Variants in FOXJ3 observed in about 807,000 individuals in gnomAD.
FOXJ3 encodes the protein forkhead box protein J3.
FOXJ3 carries 22 observed loss-of-function variants against 76.1 expected under a neutral mutation model. The observed-to-expected ratio is 0.29, with a 90% CI of 0.21 to 0.41. The LOEUF is 0.41. Ranked by LOEUF, FOXJ3 falls within the 10% of genes least tolerant of loss-of-function variation. The pLI, the probability that FOXJ3 is intolerant of heterozygous loss-of-function variation, is 1.00. For missense variants in FOXJ3, 613 were observed against 762.1 expected, an observed-to-expected ratio of 0.80 and a Z score of 2.30; for synonymous variants, 269 against 261.2, an observed-to-expected ratio of 1.03 and a Z score of -0.29.
Position 42,278,612 on chromosome 1 carries a change from C to G in FOXJ3, c.105G>C (p.Met35Ile). 3 of 1,614,160 alleles carry G rather than the reference C, an allele frequency of 1.9e-6. No individual in the cohort carries two copies. The South Asian group carries it at 3.3e-5, about 18-fold the overall frequency. ...CATCAGATTTTTGGATGGCTGCTCT[C>G]ATGGTGAGCTGTGGTAACCAGTCCA... is the stretch of plus-strand genomic sequence containing the variant. Reference protein sequence around the residue: ...TSMDWLPQLTMRAAIQKSDAT... With the variant: ...TSMDWLPQLTIRAAIQKSDAT... The change falls in exon 3 of 13, where the codon ATG becomes ATC. Residue 35 changes from methionine to isoleucine, a missense_variant. Physicochemically the swap from Met to Ile is conservative, Grantham distance 10 (BLOSUM62 1). Around this residue, in one of 3 missense-constraint regions of FOXJ3, gnomAD observed 77 missense variants for 115.1 expected, o/e 0.67. Coordinates refer to ENST00000361346, the MANE Select transcript of FOXJ3 (RefSeq NM_014947.5).
At chr1:42,334,639 T>A (rs1656360505) in intron 1 of FOXJ3, among the ~76,000 whole-genome samples, 1 of 152,062 alleles carries the variant, frequency 6.6e-6, no homozygotes, top group Non-Finnish European at 1.5e-5. Flanking sequence ...GCCCCCAAGC[T>A]TAAAGGGAAG....
chr1:42,319,592 T>A (rs1268919958), intron 1 of FOXJ3, among the ~76,000 whole-genome samples: 1 of 152,198 alleles, frequency 6.6e-6, no homozygotes, highest in Non-Finnish European at 1.5e-5. Context: ...ACTGTAGCAA[T>A]GGTTGCACAA....
At chr1:42,224,707 G>T (rs1158863202) in intron 5 of FOXJ3, among the ~76,000 whole-genome samples, 1 of 151,792 alleles carries the variant, frequency 6.6e-6, no homozygotes, top group Non-Finnish European at 1.5e-5. Flanking sequence ...TTAGGATGGA[G>T]GTAACTGTCA....
chr1:42,275,495 C>G (rs968311039), intron 3 of FOXJ3, among the ~76,000 whole-genome samples: 1 of 152,000 alleles, frequency 6.6e-6, no homozygotes, highest in Non-Finnish European at 1.5e-5. Flanking sequence ...CAAGACCAGT[C>G]CAGGCAACAT....
chr1:42,183,093 G>A (rs1051223770), intron 11 of FOXJ3, among the ~76,000 whole-genome samples: 3 of 150,286 alleles, frequency 2.0e-5, no homozygotes, highest in Non-Finnish European at 3.0e-5. Flanking sequence ...TGGCCAACAC[G>A]GCAAAACCCT....
At chr1:42,197,379 G>A (rs1367742341) in intron 7 of FOXJ3, among the ~76,000 whole-genome samples, 2 of 152,122 alleles carry the variant, frequency 1.3e-5, no homozygotes, top group African/African-American at 4.8e-5. Flanking sequence ...TCTGATTTGT[G>A]TTTCTTTATA....
chr1:42,287,310 A>T (rs566559501), intron 2 of FOXJ3, among the ~76,000 whole-genome samples: 5 of 152,138 alleles, frequency 3.3e-5, no homozygotes, highest in African/African-American at 9.7e-5. Flanking sequence ...ACTGCACTCC[A>T]GCCTGGGTGA....
At chr1:42,256,740 G>A (rs1354466811) in intron 4 of FOXJ3, among the ~76,000 whole-genome samples, 2 of 152,190 alleles carry the variant, frequency 1.3e-5, no homozygotes, top group Non-Finnish European at 2.9e-5. Flanking sequence ...CAGGAAAAAT[G>A]AAAGCATGTC....
chr1:42,244,710 A>G (rs1443409952), intron 4 of FOXJ3, among the ~76,000 whole-genome samples: 1 of 152,188 alleles, frequency 6.6e-6, no homozygotes, highest in South Asian at 2.1e-4. Flanking sequence ...AGAAGATGTA[A>G]CAACTGACAT....
Position 42,267,427 on chromosome 1 carries a change from A to T in FOXJ3, c.370-2238T>A, listed in dbSNP as rs187765322. The stretch of plus-strand genomic sequence containing the variant: ...TACTGAAGATAAAGACATAAATTTT[A>T]AAAAAATCCACATTACTGACAGACA... On this transcript the variant is annotated intron_variant, in intron 3 of 12. Transcript: ENST00000361346. 1.4e-4 allele frequency among the ~76,000 whole-genome samples: 21 copies of T among 152,276 alleles called. No individual in the cohort carries two copies. The East Asian group carries it at 2.7e-3, about 20-fold the overall frequency.
intron 4 of FOXJ3, among the ~76,000 whole-genome samples, chr1:42,250,893 G>A (rs1481136142): frequency 7.6e-6 from 1 of 131,924 alleles, no homozygotes; most frequent in Admixed American, 8.3e-5. Context: ...AAATAGATAA[G>A]TAGAAACTAA....
chr1:42,282,118 A>G (rs1652764198), intron 2 of FOXJ3, among the ~76,000 whole-genome samples: 1 of 152,108 alleles, frequency 6.6e-6, no homozygotes, highest in Non-Finnish European at 1.5e-5. Context: ...TGGTGATGAC[A>G]GAAGTCCACT....
intron 2 of FOXJ3, among the ~76,000 whole-genome samples, chr1:42,286,070 T>A (rs1432220368): frequency 2.6e-5 from 4 of 152,186 alleles, no homozygotes; most frequent in Non-Finnish European, 4.4e-5. Flanking sequence ...AGAAGAAAAG[T>A]TTATGTGGAT....
At chr1:42,276,208 T>A (rs1050257339) in intron 3 of FOXJ3, among the ~76,000 whole-genome samples, 2 of 151,768 alleles carry the variant, frequency 1.3e-5, no homozygotes, top group Non-Finnish European at 2.9e-5. Context: ...ATATAAAAAT[T>A]AGCCAGGCAC....
intron 2 of FOXJ3, among the ~76,000 whole-genome samples, chr1:42,296,920 C>G (rs1285486024): frequency 6.6e-6 from 1 of 152,118 alleles, no homozygotes; most frequent in Non-Finnish European, 1.5e-5. Context: ...GATATTGATT[C>G]TTCCAATCCA....
chr1:42,264,271 A>C (rs1329694910), intron 4 of FOXJ3, among the ~76,000 whole-genome samples: 2 of 152,138 alleles, frequency 1.3e-5, no homozygotes, highest in Non-Finnish European at 2.9e-5. Context: ...AATGAGGTGA[A>C]TTATAGCTAG....
intron 4 of FOXJ3, among the ~76,000 whole-genome samples, chr1:42,237,468 A>G (rs1352109512): frequency 1.4e-5 from 2 of 145,208 alleles, no homozygotes; most frequent in Non-Finnish European, 3.0e-5. Flanking sequence ...ATACATATAC[A>G]TATATATGTA....
chr1:42,301,848 T>C (rs1342856470), intron 2 of FOXJ3, among the ~76,000 whole-genome samples: 1 of 152,220 alleles, frequency 6.6e-6, no homozygotes, highest in East Asian at 1.9e-4. Context: ...GAAGAGTTAG[T>C]GTGATCCTTC....
chr1:42,249,102 A>G (rs1051728621), intron 4 of FOXJ3, among the ~76,000 whole-genome samples: 2 of 152,136 alleles, frequency 1.3e-5, no homozygotes, highest in Non-Finnish European at 2.9e-5. Flanking sequence ...TTACGGCTGC[A>G]TAGTATTCCA....
Sources: gnomAD v4.1 joint callset for allele counts (sites outside exome capture counted in the v4.1 genomes callset) on GRCh38, gnomAD v4.1.1 for gene constraint, gnomAD v4.1.1 regional missense constraint, MANE v1.5 for transcripts, NCBI Gene and HGNC (gene_info 2026-07-23, HGNC 2026-07-21) for gene names.